The following ROBO1 variants were observed in gnomAD, a reference collection of about 807,000 sequenced individuals.
The protein encoded by ROBO1 is roundabout guidance receptor 1.
In ROBO1, 149 loss-of-function variants were observed where a neutral mutation model predicts 195.9. The observed-to-expected ratio is 0.76, with a 90% CI of 0.67 to 0.87. The LOEUF is 0.87. ROBO1 is among the 40% of genes least tolerant of loss of function. The pLI is 0.00. For synonymous variants in ROBO1, 816 were observed against 733.2 expected, an observed-to-expected ratio of 1.11 and a Z score of -1.82; for missense variants, 1,933 against 2,068.3, an observed-to-expected ratio of 0.93 and a Z score of 1.27.
At chr3:79,465,681 G>A (rs774344703) in intron 2 of ROBO1, among the ~76,000 whole-genome samples, 1 of 151,992 alleles carries the variant, frequency 6.6e-6, no homozygotes, top group Non-Finnish European at 1.5e-5. Context: ...AAAGTAGTTT[G>A]CCCATTGCAA....
intron 1 of ROBO1, among the ~76,000 whole-genome samples, chr3:79,707,801 C>A (rs1947819362): frequency 6.6e-6 from 1 of 152,176 alleles, no homozygotes; most frequent in Admixed American, 6.5e-5. Context: ...GGCCATCACA[C>A]CTGGCCGAAA....
At chr3:78,799,129 C>T (rs941371130) in intron 4 of ROBO1, among the ~76,000 whole-genome samples, 1 of 152,116 alleles carries the variant, frequency 6.6e-6, no homozygotes, top group African/African-American at 2.4e-5. Context: ...ATTCGCACAG[C>T]TTTTCTTAAA....
intron 1 of ROBO1, among the ~76,000 whole-genome samples, chr3:79,619,643 A>G (rs1468974741): frequency 6.6e-6 from 1 of 152,124 alleles, no homozygotes; most frequent in Admixed American, 6.5e-5. Flanking sequence ...AGGCATAGTC[A>G]GGGTACATGT....
At chr3:79,720,944 C>T (rs1223857944) in intron 1 of ROBO1, among the ~76,000 whole-genome samples, 4 of 152,136 alleles carry the variant, frequency 2.6e-5, no homozygotes, top group African/African-American at 7.2e-5. Flanking sequence ...AGGCGCCCGC[C>T]ACCGTGCCCG....
chr3:78,794,074 G>A (rs1310021053), intron 4 of ROBO1, among the ~76,000 whole-genome samples: 3 of 151,964 alleles, frequency 2.0e-5, no homozygotes, highest in Admixed American at 6.6e-5. Flanking sequence ...ATTTTTAATC[G>A]TAAATTCACA....
intron 30 of ROBO1, among the ~76,000 whole-genome samples, chr3:78,599,436 C>A (rs553234173): frequency 1.3e-5 from 2 of 152,212 alleles, no homozygotes; most frequent in South Asian, 2.1e-4. Flanking sequence ...ATGGCCTATA[C>A]CTTTTCAGCT....
At chr3:79,373,769 C>T (rs1358527263) in intron 2 of ROBO1, among the ~76,000 whole-genome samples, 1 of 152,094 alleles carries the variant, frequency 6.6e-6, no homozygotes, top group Non-Finnish European at 1.5e-5. Flanking sequence ...GGATATGAAG[C>T]CAAAAGGGAA....
chr3:79,414,187 C>A (rs548029536), intron 2 of ROBO1, among the ~76,000 whole-genome samples: 2 of 151,530 alleles, frequency 1.3e-5, no homozygotes, highest in Non-Finnish European at 2.9e-5. Flanking sequence ...AACAGTCTCT[C>A]TCTCTCTCTC....
intron 2 of ROBO1, among the ~76,000 whole-genome samples, chr3:79,262,633 T>C (rs1199445353): frequency 6.6e-6 from 1 of 151,984 alleles, no homozygotes; most frequent in Non-Finnish European, 1.5e-5. Context: ...TTAAATGGAA[T>C]AAACATAGCT....
chr3:79,099,457 A>C (rs1426034523), intron 3 of ROBO1, among the ~76,000 whole-genome samples: 1 of 151,770 alleles, frequency 6.6e-6, no homozygotes, highest in East Asian at 1.9e-4. Context: ...GTCAAGCCTC[A>C]GAAGAGGTGA....
At chr3:79,662,224 T>C (rs968626175) in intron 1 of ROBO1, among the ~76,000 whole-genome samples, 1 of 152,054 alleles carries the variant, frequency 6.6e-6, no homozygotes, top group Non-Finnish European at 1.5e-5. Flanking sequence ...TGAAAAACGA[T>C]CAAAGCAAGC....
At chr3:78,604,521 G>C (rs1703358363) in intron 29 of ROBO1, among the ~76,000 whole-genome samples, 2 of 152,146 alleles carry the variant, frequency 1.3e-5, no homozygotes, top group African/African-American at 4.8e-5. Flanking sequence ...ATCAACTTTG[G>C]GTTAACTGAG....
At chr3:79,308,625 G>A (rs551108951) in intron 2 of ROBO1, among the ~76,000 whole-genome samples, 2 of 152,210 alleles carry the variant, frequency 1.3e-5, no homozygotes, top group Admixed American at 6.5e-5. Flanking sequence ...GGTCAGGCAA[G>A]GTATTGAAGT....
At chr3:78,651,668 A>G in intron 19 of ROBO1, 64 bp downstream of exon 19, 2 of 1,283,592 alleles carry the variant, frequency 1.6e-6, no homozygotes, top group East Asian at 2.6e-5. Context: ...ATAATTTGGA[A>G]TCAAATATTA....
intron 3 of ROBO1, among the ~76,000 whole-genome samples, chr3:79,099,179 C>T (rs946217843): frequency 6.6e-6 from 1 of 151,606 alleles, no homozygotes; most frequent in Non-Finnish European, 1.5e-5. Flanking sequence ...ACTTTTTCTG[C>T]CTCTAGATTG....
At chr3:78,878,590 A>C (rs1016850833) in intron 4 of ROBO1, among the ~76,000 whole-genome samples, 23 of 150,892 alleles carry the variant, frequency 1.5e-4, no homozygotes, top group African/African-American at 5.1e-4. Context: ...TCTCAAAAAA[A>C]AAAAAAAAAA....
intron 10 of ROBO1, among the ~76,000 whole-genome samples, chr3:78,673,874 A>G (rs1019173339): frequency 7.9e-5 from 12 of 151,882 alleles, no homozygotes; most frequent in African/African-American, 2.7e-4. Flanking sequence ...GATAAAGAGC[A>G]TAATTGTCAT....
chr3:78,705,493 C>T (rs1464030151), intron 8 of ROBO1, among the ~76,000 whole-genome samples: 1 of 152,220 alleles, frequency 6.6e-6, no homozygotes, highest in Non-Finnish European at 1.5e-5. Context: ...TAGGATTCAA[C>T]AACTGGTGTG....
chr3:78,726,657 T>C (rs2082168856), intron 5 of ROBO1, among the ~76,000 whole-genome samples: 1 of 152,154 alleles, frequency 6.6e-6, no homozygotes, highest in Admixed American at 6.5e-5. Flanking sequence ...ATCTTTGACC[T>C]AGAGAATAGA....
Sources: gnomAD v4.1 joint callset for allele counts (sites outside exome capture counted in the v4.1 genomes callset) on GRCh38, gnomAD v4.1.1 for gene constraint, MANE v1.5 for transcripts, NCBI Gene and HGNC (gene_info 2026-07-23, HGNC 2026-07-21) for gene names.